WDR44: variants seen among roughly 807,000 people sequenced by gnomAD.
The protein encoded by WDR44 is WD repeat domain 44.
WDR44 carries 9 observed loss-of-function variants against 65.7 expected under a neutral mutation model. The ratio of observed to expected loss-of-function variants is 0.14; its 90% CI spans 0.08 to 0.24. WDR44 has a LOEUF of 0.24. WDR44 is among the 10% of genes least tolerant of loss of function. The pLI is 1.00. For missense variants in WDR44, 425 were observed against 670.9 expected (o/e 0.63, Z 4.05); for synonymous variants, 220 against 235.2 (o/e 0.94, Z 0.59).
chrX:118,388,258 T>C (rs985860011), intron 3 of WDR44, among the ~76,000 whole-genome samples: 1 of 111,937 alleles, frequency 8.9e-6, no homozygotes, highest in Non-Finnish European at 1.9e-5. Flanking sequence ...TCTATCCTTA[T>C]GGAATTTAGA....
At chrX:118,351,138 C>T (rs1200596733) in intron 1 of WDR44, among the ~76,000 whole-genome samples, 1 of 112,283 alleles carries the variant, frequency 8.9e-6, no homozygotes, top group African/African-American at 3.2e-5. Flanking sequence ...GTTTTGCTTA[C>T]GAGTTTTTTC....
At chrX:118,439,135 A>C (rs752325007) in intron 14 of WDR44, among the ~76,000 whole-genome samples, 1 of 110,413 alleles carries the variant, frequency 9.1e-6, no homozygotes, top group African/African-American at 3.3e-5. Flanking sequence ...TTTGGAAACT[A>C]TAAAGCCCTA....
intron 1 of WDR44, among the ~76,000 whole-genome samples, chrX:118,374,305 A>G (rs1418097984): frequency 8.9e-6 from 1 of 111,990 alleles, no homozygotes; most frequent in African/African-American, 3.2e-5. Context: ...GGCACATGAT[A>G]CAAATCATTT....
At chrX:118,443,069 G>A (rs1048508355) in intron 17 of WDR44, among the ~76,000 whole-genome samples, 1 of 111,050 alleles carries the variant, frequency 9.0e-6, no homozygotes, top group African/African-American at 3.3e-5. Context: ...GAACCTTTTA[G>A]GATTCTAAGA....
At chrX:118,401,953 G>T (rs5956051) in intron 8 of WDR44, among the ~76,000 whole-genome samples, 1 of 109,150 alleles carries the variant, frequency 9.2e-6, no homozygotes. Context: ...TTTTTTTCTC[G>T]TAAAAGCGGG....
chrX:118,389,967 C>T (rs1036005036), intron 3 of WDR44, among the ~76,000 whole-genome samples: 14 of 109,459 alleles, frequency 1.3e-4, no homozygotes, highest in African/African-American at 4.3e-4. Context: ...GATCTCAGCT[C>T]ACTGCAACCT....
chrX:118,405,662 C>T lies in WDR44; in HGVS notation c.1382-1213C>T, dbSNP rs1048140033. Among the ~76,000 whole-genome samples the T allele has an allele frequency of 8.1e-5, 9 of 111,527 alleles. No individual in the cohort carries two copies. In the Admixed American group the frequency reaches 8.6e-4, roughly 11 times the overall value. On this transcript the variant is annotated intron_variant, in intron 9 of 19. Transcript: ENST00000254029. Reference sequence around the variant, plus strand: ...GCCAGCTATTTGGTTTTTACAAATACAGTCAGTCCTCCATATCCATGGGTT... The same window carrying T: ...GCCAGCTATTTGGTTTTTACAAATATAGTCAGTCCTCCATATCCATGGGTT...
chrX:118,350,468 A>G (rs1318310247), intron 1 of WDR44, among the ~76,000 whole-genome samples: 1 of 111,247 alleles, frequency 9.0e-6, no homozygotes, highest in Non-Finnish European at 1.9e-5. Context: ...AGGGGATTAC[A>G]CTCTTGAGAA....
chrX:118,443,130 A>G (rs1602981193), intron 17 of WDR44, among the ~76,000 whole-genome samples: 2 of 111,786 alleles, frequency 1.8e-5, no homozygotes, highest in Middle Eastern at 9.1e-3. Flanking sequence ...AACTTTACAT[A>G]TCATTATTAT....
rs1176485968 is a variant in WDR44 at position 118,441,415 on chromosome X, T to C, written c.2022T>C (p.Leu674=). ...LSGSLDGKLR[L]WNIPDKKVAL... is the part of the protein sequence containing the mutation. Reference sequence around the variant, plus strand: ...GGTCTTTGGATGGAAAGCTCCGCCTTTGGAACATACCTGACAAAAAAGTGG... The same window carrying C: ...GGTCTTTGGATGGAAAGCTCCGCCTCTGGAACATACCTGACAAAAAAGTGG... Residue 674 remains leucine (L), a synonymous_variant, in exon 15 of 20, where the codon CTT becomes CTC. Coordinates refer to ENST00000254029, the MANE Select transcript of WDR44 (RefSeq NM_019045.5). The C allele has an allele frequency of 1.7e-6, 2 of 1,209,805 alleles. No homozygotes were observed. Among genetic ancestry groups the C allele is most frequent in the South Asian group, 1.8e-5 (1 of 56,677 alleles).
intron 1 of WDR44, among the ~76,000 whole-genome samples, chrX:118,353,400 T>C (rs2056431426): frequency 9.0e-6 from 1 of 111,537 alleles, no homozygotes; most frequent in East Asian, 2.8e-4. Flanking sequence ...TCTAGCTCTT[T>C]TGCCTTCTCT....
intron 10 of WDR44, among the ~76,000 whole-genome samples, chrX:118,407,537 A>G (rs996161044): frequency 2.7e-5 from 3 of 111,041 alleles, no homozygotes; most frequent in Non-Finnish European, 5.7e-5. Context: ...GGAGTTATTG[A>G]ATAAGTAAAC....
chrX:118,349,802 C>A (rs1029081282), intron 1 of WDR44, among the ~76,000 whole-genome samples: 12 of 111,545 alleles, frequency 1.1e-4, no homozygotes, highest in African/African-American at 3.9e-4. Context: ...CCCGCCTCGG[C>A]CTCCCACAGT....
intron 1 of WDR44, among the ~76,000 whole-genome samples, chrX:118,371,739 A>G (rs982312896): frequency 6.3e-5 from 7 of 111,263 alleles, no homozygotes; most frequent in African/African-American, 2.3e-4. Flanking sequence ...GAAAAAATGA[A>G]CTTTTGAAGC....
At chrX:118,349,059 C>G (rs1202430189) in intron 1 of WDR44, among the ~76,000 whole-genome samples, 3 of 111,600 alleles carry the variant, frequency 2.7e-5, no homozygotes, top group African/African-American at 9.8e-5. Flanking sequence ...CTTTGTTAAT[C>G]TACTCTTTGA....
chrX:118,414,837 A>G (rs965179195), intron 12 of WDR44, among the ~76,000 whole-genome samples: 3 of 111,285 alleles, frequency 2.7e-5, no homozygotes, highest in Non-Finnish European at 5.6e-5. Flanking sequence ...TGACAGTTTG[A>G]CTTTCTCTTT....
rs1462362216 is a variant in WDR44 at position 118,396,859 on chromosome X, TGAA to T, written c.1054-110_1054-108del. ...TGTTAGAAATTATTGTGTGCAGTAT[TGAA>T]TATATCTAAAAAGCCTTTAGCTTAA... On this transcript the variant is annotated intron_variant, in intron 6 of 19. Transcript: ENST00000254029. 2.6e-5 allele frequency: 21 copies of T among 820,139 alleles called. No individual in the cohort carries two copies. In the Admixed American group the frequency reaches 3.2e-4, roughly 13 times the overall value. The allele number at this position is 820,139 out of a possible 1,213,427, so 67.6% of individuals were successfully genotyped here.
At chrX:118,365,395 A>T (rs1005695974) in intron 1 of WDR44, among the ~76,000 whole-genome samples, 3 of 110,736 alleles carry the variant, frequency 2.7e-5, no homozygotes, top group Non-Finnish European at 5.7e-5. Context: ...TAATCCCAGC[A>T]CTTTGGGAGG....
intron 1 of WDR44, among the ~76,000 whole-genome samples, chrX:118,367,830 G>A (rs1490690584): frequency 9.0e-6 from 1 of 110,989 alleles, no homozygotes; most frequent in Non-Finnish European, 1.9e-5. Context: ...GAAAAAAAAA[G>A]TACTCTTGCC....
Sources: gnomAD v4.1 joint callset for allele counts (sites outside exome capture counted in the v4.1 genomes callset) on GRCh38, gnomAD v4.1.1 for gene constraint, MANE v1.5 for transcripts, NCBI Gene and HGNC (gene_info 2026-07-23, HGNC 2026-07-21) for gene names.